The following CHST8 variants were observed in gnomAD, a reference collection of about 807,000 sequenced individuals.
CHST8 encodes the protein carbohydrate sulfotransferase 8.
A neutral mutation model predicts 15.0 loss-of-function variants in CHST8; 10 were observed. That is an observed-to-expected ratio of 0.67 (90% CI 0.41 to 1.13). The LOEUF (loss-of-function observed/expected upper bound fraction) is 1.13, where lower values mean the gene tolerates loss of function less well. Among genes scored for constraint, CHST8 ranks in the 50% most tolerant of loss-of-function variants. The probability of loss-of-function intolerance (pLI) is 0.00; values close to 1 mark genes in which losing one functional copy is unlikely to be tolerated. For synonymous variants in CHST8, 259 were observed against 256.6 expected (o/e 1.01, Z -0.09); for missense variants, 634 against 608.2 (o/e 1.04, Z -0.45).
chr19:33,748,934 G>A (rs1464726156), intron 3 of CHST8, among the ~76,000 whole-genome samples: 1 of 152,174 alleles, frequency 6.6e-6, no homozygotes, highest in Non-Finnish European at 1.5e-5. Flanking sequence ...ACTCGGAGGA[G>A]AGCCTCAAGG....
chr19:33,669,848 C>T (rs75397021), intron 2 of CHST8, among the ~76,000 whole-genome samples: 3,367 of 152,120 alleles, frequency 0.022, 103 homozygotes, highest in African/African-American at 0.076. Context: ...GAGGCATGGC[C>T]GAAGATGATA....
intron 1 of CHST8, among the ~76,000 whole-genome samples, chr19:33,657,129 A>ACC (rs1972518125): frequency 8.4e-6 from 1 of 118,684 alleles, no homozygotes; most frequent in Non-Finnish European, 1.7e-5. Context: ...GCTTTATTAC[A>ACC]CACACACACA....
At chr19:33,727,953 A>C (rs1197976459) in intron 3 of CHST8, among the ~76,000 whole-genome samples, 2 of 152,294 alleles carry the variant, frequency 1.3e-5, no homozygotes, top group South Asian at 2.1e-4. Context: ...GCCCCGGCCC[A>C]CACTCCCAAA....
intron 1 of CHST8, among the ~76,000 whole-genome samples, chr19:33,647,720 C>T (rs976490867): frequency 1.1e-4 from 16 of 151,948 alleles, no homozygotes; most frequent in South Asian, 2.1e-4. Flanking sequence ...GTGGCGTGCA[C>T]CTGTAATCCC....
chr19:33,678,110 C>G (rs1312970509), intron 2 of CHST8, among the ~76,000 whole-genome samples: 1 of 152,048 alleles, frequency 6.6e-6, no homozygotes, highest in Non-Finnish European at 1.5e-5. Flanking sequence ...TTAGTCTGGA[C>G]CCACATTTCT....
chr19:33,717,669 G>T (rs1473562620), intron 3 of CHST8, among the ~76,000 whole-genome samples: 1 of 152,160 alleles, frequency 6.6e-6, no homozygotes, highest in Non-Finnish European at 1.5e-5. Flanking sequence ...AACTGTCACA[G>T]CACTGGTGGG....
intron 3 of CHST8, among the ~76,000 whole-genome samples, chr19:33,691,913 C>G (rs540031390): frequency 6.6e-6 from 1 of 152,288 alleles, no homozygotes; most frequent in South Asian, 2.1e-4. Flanking sequence ...ACGGAGTTCT[C>G]TGGGAGCTGC....
chr19:33,687,735 G>T lies in CHST8; in HGVS notation c.-86-1441G>T, dbSNP rs112361059. On this transcript the variant is annotated intron_variant, in intron 2 of 4. Coordinates refer to ENST00000650847, the MANE Select transcript of CHST8 (RefSeq NM_001127895.2). ...GAGCTTTTCAGAACCATCTGGTCGT[G>T]GGGAGTCGTGGGCAGGGGAGCAGGG... Among the ~76,000 whole-genome samples the T allele has an allele frequency of 4.2e-3, 645 of 152,308 alleles. 2 individuals carry two copies. The highest frequency in any genetic ancestry group is 0.012 in the African/African-American group (489 of 41,568).
At chr19:33,713,900 C>T (rs1599576336) in intron 3 of CHST8, among the ~76,000 whole-genome samples, 2 of 152,218 alleles carry the variant, frequency 1.3e-5, no homozygotes, top group African/African-American at 4.8e-5. Context: ...GCTGCAGAAT[C>T]CCTGACAGAG....
At chr19:33,761,333 A>T (rs1038706206) in intron 3 of CHST8, among the ~76,000 whole-genome samples, 25 of 147,430 alleles carry the variant, frequency 1.7e-4, no homozygotes, top group Admixed American at 8.8e-4. Flanking sequence ...GCCTCTATGA[A>T]TTTTTTTTTT....
At chr19:33,708,379 C>G (rs1389564430) in intron 3 of CHST8, among the ~76,000 whole-genome samples, 1 of 152,190 alleles carries the variant, frequency 6.6e-6, no homozygotes, top group Non-Finnish European at 1.5e-5. Flanking sequence ...ACATCTGTGT[C>G]TGCGGTCCAT....
chr19:33,757,691 C>A (rs1209085402), intron 3 of CHST8, among the ~76,000 whole-genome samples: 1 of 151,532 alleles, frequency 6.6e-6, no homozygotes, highest in Non-Finnish European at 1.5e-5. Flanking sequence ...ACTGACAAGC[C>A]CAAGATTGGC....
intron 3 of CHST8, among the ~76,000 whole-genome samples, chr19:33,731,230 G>A (rs962812590): frequency 6.6e-5 from 10 of 152,224 alleles, no homozygotes; most frequent in African/African-American, 9.6e-5. Flanking sequence ...CATAGGCGGA[G>A]CAGCAGCTTG....
intron 1 of CHST8, among the ~76,000 whole-genome samples, chr19:33,628,489 G>T (rs1004870537): frequency 6.6e-6 from 1 of 152,210 alleles, no homozygotes; most frequent in Non-Finnish European, 1.5e-5. Context: ...GGTCCATCAG[G>T]CTCTGTCTCC....
intron 2 of CHST8, chr19:33,684,468 C>T (rs1187635668): frequency 6.6e-6 from 1 of 152,314 alleles, no homozygotes; most frequent in South Asian, 2.1e-4. Context: ...TCTGAGCACT[C>T]GCGCCCATCC....
At chr19:33,653,973 A>G (rs549345712) in intron 1 of CHST8, among the ~76,000 whole-genome samples, 2 of 152,294 alleles carry the variant, frequency 1.3e-5, no homozygotes, top group South Asian at 2.1e-4. Context: ...CATTTTGGCC[A>G]GAGTCTATGA....
chr19:33,703,646 G>T (rs1311409925), intron 3 of CHST8, among the ~76,000 whole-genome samples: 1 of 152,252 alleles, frequency 6.6e-6, no homozygotes, highest in Non-Finnish European at 1.5e-5. Flanking sequence ...GACACCATTT[G>T]TGGTGCCTTT....
intron 3 of CHST8, among the ~76,000 whole-genome samples, chr19:33,756,559 T>C (rs1010511896): frequency 2.0e-5 from 3 of 152,176 alleles, no homozygotes; most frequent in Non-Finnish European, 4.4e-5. Context: ...CAGCATGCTA[T>C]GGGAGGAGTC....
At chr19:33,659,529 A>G (rs896876468) in intron 1 of CHST8, among the ~76,000 whole-genome samples, 1 of 152,168 alleles carries the variant, frequency 6.6e-6, no homozygotes, top group Non-Finnish European at 1.5e-5. Context: ...TGTTTGCACA[A>G]TTTGTTCATT....
Sources: allele counts gnomAD v4.1 joint callset (sites outside exome capture counted in the v4.1 genomes callset), GRCh38; gene constraint gnomAD v4.1.1; transcripts MANE v1.5; gene names NCBI Gene and HGNC (gene_info 2026-07-23, HGNC 2026-07-21).